RNF157: variants seen among roughly 807,000 people sequenced by gnomAD.
RNF157 encodes E3 ubiquitin ligase RNF157.
In RNF157, 55 loss-of-function variants were observed where a neutral mutation model predicts 88.3. The ratio of observed to expected loss-of-function variants is 0.62; its 90% CI spans 0.50 to 0.78. RNF157 has a LOEUF of 0.78. RNF157 is among the 30% of genes least tolerant of loss of function. The pLI is 0.00. For missense variants in RNF157, 788 were observed against 860.8 expected (o/e 0.92, Z 1.06); for synonymous variants, 334 against 341.2 (o/e 0.98, Z 0.23).
At chr17:76,171,159 T>C (rs2144871164) in intron 3 of RNF157, among the ~76,000 whole-genome samples, 1 of 151,914 alleles carries the variant, frequency 6.6e-6, no homozygotes, top group Admixed American at 6.6e-5. Flanking sequence ...CCCAAAGTGC[T>C]GGGATTACAG....
At chr17:76,189,245 G>A (rs1000755345) in intron 2 of RNF157, among the ~76,000 whole-genome samples, 5 of 152,220 alleles carry the variant, frequency 3.3e-5, no homozygotes, top group African/African-American at 1.2e-4. Flanking sequence ...TTGCAGTTAT[G>A]TAAGATGTTA....
intron 1 of RNF157, among the ~76,000 whole-genome samples, chr17:76,229,768 G>A (rs2070155824): frequency 6.6e-6 from 1 of 152,162 alleles, no homozygotes; most frequent in Admixed American, 6.5e-5. Flanking sequence ...GGGTACGTAT[G>A]GGTGCTTCTG....
Position 76,173,639 on chromosome 17 carries a change from C to G in RNF157, c.296+63G>C, listed in dbSNP as rs1796387588. 6 of 1,302,786 alleles carry G rather than the reference C, an allele frequency of 4.6e-6. No individual in the cohort carries two copies. In the East Asian group the frequency reaches 1.5e-4, roughly 32 times the overall value. 80.7% of individuals were successfully genotyped at this position (1,302,786 alleles called of 1,614,324 possible). ...TATGAGTTCCTTGGGAAGTCTGTCC[C>G]CCAGCCCCCAGCCTCCCCAAAGGAA... is the stretch of plus-strand genomic sequence containing the variant. On this transcript the variant is annotated intron_variant, in intron 3 of 18. Transcript: ENST00000269391.
intron 2 of RNF157, among the ~76,000 whole-genome samples, chr17:76,200,868 C>T (rs751066873): frequency 3.3e-5 from 5 of 152,160 alleles, no homozygotes; most frequent in African/African-American, 4.8e-5. Flanking sequence ...TGAATTACTG[C>T]ATGTTGGCAC....
chr17:76,226,771 C>G, intron 1 of RNF157: 2 of 1,578,560 alleles, frequency 1.3e-6, no homozygotes, highest in Admixed American at 1.9e-5. Flanking sequence ...AGTCCCCCAC[C>G]AACACCTCGT....
intron 2 of RNF157, among the ~76,000 whole-genome samples, chr17:76,207,665 C>T (rs1232884922): frequency 6.6e-5 from 10 of 152,198 alleles, no homozygotes; most frequent in Non-Finnish European, 1.5e-4. Flanking sequence ...TGCTGGATGG[C>T]TTTAAAAGGT....
At chr17:76,187,790 G>T (rs932149443) in intron 2 of RNF157, among the ~76,000 whole-genome samples, 39 of 151,982 alleles carry the variant, frequency 2.6e-4, no homozygotes, top group African/African-American at 9.2e-4. Flanking sequence ...TAGAGATAGG[G>T]TTTTACCATG....
intron 2 of RNF157, among the ~76,000 whole-genome samples, chr17:76,209,956 C>T (rs1211532439): frequency 1.3e-5 from 2 of 152,070 alleles, no homozygotes; most frequent in Admixed American, 6.6e-5. Flanking sequence ...GATGGGGTTT[C>T]ACCACATTGG....
In RNF157 at chr17:76,240,021, C is replaced by T; in HGVS notation, c.88+132G>A. 1 of 377,310 alleles carries T rather than the reference C, an allele frequency of 2.7e-6. No homozygotes were observed. Among genetic ancestry groups the T allele is most frequent in the Non-Finnish European group, 4.3e-6 (1 of 232,760 alleles). The allele number at this position is 377,310 out of a possible 1,614,324, so 23.4% of individuals were successfully genotyped here. A position where few individuals can be genotyped will look rare whatever the true frequency, so the allele number is the denominator to read the frequency against. On this transcript the variant is annotated intron_variant, in intron 1 of 18. Transcript: ENST00000269391. The surrounding 1 kb of genome is among the most constrained non-coding windows in gnomAD (Gnocchi z 4.4). ...GGCCTTCTCGAAGACCTCCCGCGCTCGAAGACCGTTTCGGAGCGTCCGCAA... is the reference window on the plus strand; with the variant it reads ...GGCCTTCTCGAAGACCTCCCGCGCTTGAAGACCGTTTCGGAGCGTCCGCAA...
At chr17:76,220,327 T>G (rs996428138) in intron 1 of RNF157, among the ~76,000 whole-genome samples, 1 of 150,322 alleles carries the variant, frequency 6.7e-6, no homozygotes, top group African/African-American at 2.5e-5. Context: ...TATATTAAGC[T>G]TCATCAGGAT....
At chr17:76,204,238 A>C (rs1352870417) in intron 2 of RNF157, among the ~76,000 whole-genome samples, 1 of 152,166 alleles carries the variant, frequency 6.6e-6, no homozygotes, top group Non-Finnish European at 1.5e-5. Flanking sequence ...ATTGCTTATT[A>C]ATTAATTCTG....
At chr17:76,225,503 T>TAAAAAAAAAAAAAAA (rs1555663241) in intron 1 of RNF157, among the ~76,000 whole-genome samples, 1 of 152,198 alleles carries the variant, frequency 6.6e-6, no homozygotes, top group Non-Finnish European at 1.5e-5. Flanking sequence ...CCTGTTCTAT[T>TAAAAAAAAAAAAAAA]ATTTTTTTTA....
intron 1 of RNF157, among the ~76,000 whole-genome samples, chr17:76,218,735 A>T (rs1459140479): frequency 6.6e-6 from 1 of 152,130 alleles, no homozygotes; most frequent in Non-Finnish European, 1.5e-5. Flanking sequence ...GGAGTTTGAG[A>T]CCAGCCTGTC....
intron 2 of RNF157, among the ~76,000 whole-genome samples, chr17:76,184,814 G>T (rs1448898383): frequency 6.6e-6 from 1 of 152,180 alleles, no homozygotes; most frequent in African/African-American, 2.4e-5. Context: ...GGCTATCAAA[G>T]AAATCAATCC....
chr17:76,165,589 C>T (rs2144850499), intron 6 of RNF157, 44 bp from the exon 7 acceptor site: 1 of 1,604,818 alleles, frequency 6.2e-7, no homozygotes, highest in Non-Finnish European at 8.5e-7. Context: ...CCAAACAGCA[C>T]ATCTTGATGC....
At chr17:76,188,407 T>G (rs1483929282) in intron 2 of RNF157, among the ~76,000 whole-genome samples, 1 of 152,208 alleles carries the variant, frequency 6.6e-6, no homozygotes, top group East Asian at 1.9e-4. Context: ...CTCTTTTTAC[T>G]GATTTTCTGC....
At position 76,157,828 on chromosome 17, in the gene RNF157, A is replaced by G. The variant is rs2068789439; in HGVS notation, c.1413+565T>C. Among the ~76,000 whole-genome samples the G allele has an allele frequency of 6.6e-6, 1 of 152,060 alleles. No homozygotes were observed. The highest frequency in any genetic ancestry group is 1.5e-5 in the Non-Finnish European group (1 of 68,004). On this transcript the variant is annotated intron_variant, in intron 13 of 18. Coordinates refer to ENST00000269391, the MANE Select transcript of RNF157 (RefSeq NM_052916.3). This position sits in a 1 kb window ranked among gnomAD's most constrained non-coding sequence, Gnocchi z 5.6. Reference sequence around the variant, plus strand: ...GTTAAGTGAGGTCTCTGTGGGACGCACAGAGTAGAAAATTCCAGCCTTCTC... The same window carrying G: ...GTTAAGTGAGGTCTCTGTGGGACGCGCAGAGTAGAAAATTCCAGCCTTCTC...
Position 76,146,765 on chromosome 17 carries a change from T to A in RNF157, c.1922-1412A>T, listed in dbSNP as rs1013073573. 1.0e-6 allele frequency: 1 copy of A among 985,026 alleles called. No individual in the cohort carries two copies. Among genetic ancestry groups the A allele is most frequent in the Non-Finnish European group, 1.2e-6 (1 of 829,688 alleles). The allele number at this position is 985,026 out of a possible 1,614,324, so 61.0% of individuals were successfully genotyped here. On this transcript the variant is annotated intron_variant, in intron 18 of 18. Coordinates refer to ENST00000269391, the MANE Select transcript of RNF157 (RefSeq NM_052916.3). The surrounding 1 kb of genome is among the most constrained non-coding windows in gnomAD (Gnocchi z 4.2). Reference sequence around the variant, plus strand: ...GGCCGTGACTTCTTCACTGTTGCAGTCCAGAGCCCAGCACAACACCTGACC... The same window carrying A: ...GGCCGTGACTTCTTCACTGTTGCAGACCAGAGCCCAGCACAACACCTGACC...
chr17:76,213,110 G>A (rs1442709058), intron 1 of RNF157, among the ~76,000 whole-genome samples: 2 of 152,180 alleles, frequency 1.3e-5, no homozygotes, highest in Non-Finnish European at 2.9e-5. Context: ...GCACATTAAT[G>A]ATCATATATA....
Sources: gnomAD v4.1 joint callset for allele counts (sites outside exome capture counted in the v4.1 genomes callset) on GRCh38, gnomAD v4.1.1 for gene constraint, Gnocchi (gnomAD v3.1) non-coding constraint, MANE v1.5 for transcripts, NCBI Gene and HGNC (gene_info 2026-07-23, HGNC 2026-07-21) for gene names.